The following NUP58 variants were observed in gnomAD, a reference collection of about 807,000 sequenced individuals.
NUP58 encodes nucleoporin p58/p45.
Under a neutral mutation model 70.1 loss-of-function variants are expected in NUP58, and 17 were observed. The ratio of observed to expected loss-of-function variants is 0.24; its 90% confidence interval spans 0.17 to 0.36. The LOEUF is 0.36. Ranked by LOEUF, NUP58 falls within the 10% of genes least tolerant of loss-of-function variation. The pLI is 1.00. For missense variants in NUP58, 644 were observed against 701.5 expected, an observed-to-expected ratio of 0.92 and a Z score of 0.93; for synonymous variants, 275 against 257.6, an observed-to-expected ratio of 1.07 and a Z score of -0.65.
At chr13:25,339,201 G>T (rs962913220) in intron 15 of NUP58, among the ~76,000 whole-genome samples, 4 of 151,962 alleles carry the variant, frequency 2.6e-5, no homozygotes, top group African/African-American at 9.7e-5. Flanking sequence ...ATAATTTTTT[G>T]ACTCTTCTTA....
At chr13:25,311,847 C>G (rs374617846) in intron 3 of NUP58, among the ~76,000 whole-genome samples, 1 of 151,944 alleles carries the variant, frequency 6.6e-6, no homozygotes, top group South Asian at 2.1e-4. Context: ...GAAGTAGGAT[C>G]GACAGGATTT....
chr13:25,304,886 C>CA (rs1444798369), intron 1 of NUP58, among the ~76,000 whole-genome samples: 1 of 151,992 alleles, frequency 6.6e-6, no homozygotes, highest in African/African-American at 2.4e-5. Context: ...ACATTATACA[C>CA]ACAACAGTGT....
chr13:25,348,387 AATAAGT>A (rs964023051), intron 3 of NUP58, among the ~76,000 whole-genome samples: 4 of 151,854 alleles, frequency 2.6e-5, no homozygotes, highest in African/African-American at 7.3e-5. Context: ...GACATGTTGA[AATAAGT>A]ATATTTCAAA....
At chr13:25,316,609 A>T (rs1264176046) in intron 6 of NUP58, among the ~76,000 whole-genome samples, 1 of 152,168 alleles carries the variant, frequency 6.6e-6, no homozygotes, top group Non-Finnish European at 1.5e-5. Context: ...GTTTTTACTT[A>T]GTTTTCTCTG....
At chr13:25,304,522 T>TA (rs2030217050) in intron 1 of NUP58, among the ~76,000 whole-genome samples, 2 of 50,192 alleles carry the variant, frequency 4.0e-5, no homozygotes, top group South Asian at 4.5e-4. Flanking sequence ...ATATATGTAT[T>TA]TTTTTTTTTT....
intron 13 of NUP58, chr13:25,335,285 A>G (rs1277664497): frequency 1.0e-6 from 1 of 985,376 alleles, no homozygotes; most frequent in East Asian, 1.1e-4. Flanking sequence ...TGCTCTTAAC[A>G]ACAGACCCAC....
rs117454485 is a variant in NUP58, at chr13:25,349,649, T to A, written n.409T>A. 949 of 152,744 alleles carry A rather than the reference T, an allele frequency of 6.2e-3. 5 individuals carry two copies. Among genetic ancestry groups the A allele is most frequent in the Non-Finnish European group, 8.3e-3 (565 of 68,026 alleles). The allele number at this position is 152,744 out of a possible 1,614,324, so 9.5% of individuals were successfully genotyped here. A position where few individuals can be genotyped will look rare whatever the true frequency, so the allele number is the denominator to read the frequency against. ...GGAAGAAAAATACAGTTCTGAGCAG[T>A]CCTTGAATCAACAAATATCTACCTT... On this transcript the variant is annotated non_coding_transcript_exon_variant, in exon 4 of 4. Transcript: ENST00000477876.
Position 25,319,347 on chromosome 13 carries a change from C to A in NUP58, c.707C>A (p.Pro236Gln). The A allele has an allele frequency of 6.2e-7, 1 of 1,612,448 alleles. No individual in the cohort carries two copies. The highest frequency in any genetic ancestry group is 8.5e-7 in the Non-Finnish European group (1 of 1,178,942). ...DKKSDKTGTR[P>Q]EDSKALKDEN... is the part of the protein sequence containing the mutation. Reference sequence around the variant, plus strand: ...CTAGGTGATAAAACGGGAACAAGACCAGAGTAAGTTTACAAATTTACCCTT... The same window carrying A: ...CTAGGTGATAAAACGGGAACAAGACAAGAGTAAGTTTACAAATTTACCCTT... The change falls in exon 7 of 16, where the codon CCA becomes CAA. Residue 236 changes from proline to glutamine, a missense_variant. Transcript: ENST00000381736.
At chr13:25,335,971 G>GT (rs1341990736) in intron 13 of NUP58, 92 of 1,099,256 alleles carry the variant, frequency 8.4e-5, no homozygotes, top group South Asian at 1.1e-4. Flanking sequence ...ATTCTGCTTA[G>GT]TTTTAAAAAA....
At chr13:25,319,223 CAGTTTAT>C (rs1188450783) in intron 6 of NUP58, 96 bp from the exon 7 acceptor site, 2 of 681,396 alleles carry the variant, frequency 2.9e-6, no homozygotes, top group East Asian at 6.2e-5. Context: ...AAATGCTTAA[CAGTTTAT>C]ATTTATACTT....
intron 1 of NUP58, among the ~76,000 whole-genome samples, chr13:25,303,894 AG>A (rs1425557318): frequency 6.6e-6 from 1 of 152,212 alleles, no homozygotes; most frequent in Non-Finnish European, 1.5e-5. Flanking sequence ...ATTAGTAATA[AG>A]CTATAAAAAA....
In NUP58 at chr13:25,310,887, G is replaced by A. The variant is rs1266483569; in HGVS notation, c.286+1605G>A. 3.3e-5 allele frequency among the ~76,000 whole-genome samples: 5 copies of A among 152,286 alleles called. No homozygotes were observed. In the East Asian group the frequency reaches 7.7e-4, roughly 24 times the overall value. On this transcript the variant is annotated intron_variant, in intron 3 of 15. Coordinates refer to ENST00000381736, the MANE Select transcript of NUP58 (RefSeq NM_014089.4). ...CAGCCTTGTGTCTACATAATGCCTT[G>A]AACATTGAATATTGTGGCACTGCTG...
Position 25,341,939 on chromosome 13 carries a change from T to G in NUP58, c.*1805T>G, listed in dbSNP as rs992572932. 2 of 152,274 alleles carry G rather than the reference T, an allele frequency of 1.3e-5. No homozygotes were observed. Among genetic ancestry groups the G allele is most frequent in the African/African-American group, 4.8e-5 (2 of 41,478 alleles). The allele number at this position is 152,274 out of a possible 1,614,324, so 9.4% of individuals were successfully genotyped here. On this transcript the variant is annotated 3_prime_UTR_variant, in exon 16 of 16. Transcript: ENST00000381736. ...ATGTGCATGTGCCACACATTTTTTGTATAATGTTGGGTTTGATTATAAAAG... is the reference window on the plus strand; with the variant it reads ...ATGTGCATGTGCCACACATTTTTTGGATAATGTTGGGTTTGATTATAAAAG...
At chr13:25,324,814 A>C (rs1187332932) in intron 9 of NUP58, among the ~76,000 whole-genome samples, 175 bp from the exon 10 acceptor site, 1 of 152,202 alleles carries the variant, frequency 6.6e-6, no homozygotes, top group Non-Finnish European at 1.5e-5. Context: ...TCTGCTCTTG[A>C]AAGGTTTTAG....
chr13:25,331,054 G>A (rs2031584946), intron 12 of NUP58, among the ~76,000 whole-genome samples: 1 of 151,948 alleles, frequency 6.6e-6, no homozygotes, highest in African/African-American at 2.4e-5. Flanking sequence ...TCTGCACATT[G>A]ATGGAGTATT....
chr13:25,336,930 T>A lies in NUP58; in HGVS notation c.1436-6T>A, dbSNP rs2031806658. The A allele has an allele frequency of 4.6e-6, 7 of 1,520,090 alleles. No individual in the cohort carries two copies. The highest frequency in any genetic ancestry group is 6.2e-6 in the Non-Finnish European group (7 of 1,127,518). 94.2% of individuals were successfully genotyped at this position (1,520,090 alleles called of 1,614,324 possible). ...CCCCCCCATTTTTTTTTTTTTTTTA[T>A]ACCAGGGCCACAGCCATCTCTGGGA... is the stretch of plus-strand genomic sequence containing the variant. On this transcript the variant is annotated splice_polypyrimidine_tract_variant and splice_region_variant and intron_variant, in intron 13 of 15. Transcript: ENST00000381736.
chr13:25,343,808 T>TATATATATATATATATACAC (rs199709118), downstream of NUP58, among the ~76,000 whole-genome samples: 2 of 34,566 alleles, frequency 5.8e-5, no homozygotes, highest in African/African-American at 3.2e-4. Flanking sequence ...TATATATGTA[T>TATATATATATATATATACAC]ATATATATAT....
chr13:25,329,358 A>G (rs1052273074), intron 12 of NUP58, among the ~76,000 whole-genome samples: 3 of 152,142 alleles, frequency 2.0e-5, no homozygotes, highest in African/African-American at 7.2e-5. Flanking sequence ...AGCAAATGCC[A>G]GGTGTAAACG....
intron 13 of NUP58, chr13:25,336,209 T>C (rs764710708): frequency 8.0e-6 from 11 of 1,366,658 alleles, no homozygotes; most frequent in Non-Finnish European, 1.1e-5. Flanking sequence ...CTTTATTTAA[T>C]CAGGTGATAA....
Sources: allele counts gnomAD v4.1 joint callset (sites outside exome capture counted in the v4.1 genomes callset), GRCh38; gene constraint gnomAD v4.1.1; transcripts MANE v1.5; gene names NCBI Gene and HGNC (gene_info 2026-07-23, HGNC 2026-07-21).